The following TMTC1 variants were observed in gnomAD, a reference collection of about 807,000 sequenced individuals.
The protein encoded by TMTC1 is transmembrane O-mannosyltransferase targeting cadherins 1.
A neutral mutation model predicts 104.8 loss-of-function variants in TMTC1; 73 were observed. That is an observed-to-expected ratio of 0.70 (90% CI 0.58 to 0.85). TMTC1 has a LOEUF of 0.85. Ranked by LOEUF, TMTC1 falls within the 40% of genes least tolerant of loss-of-function variation. TMTC1 has a pLI of 0.00. For synonymous variants in TMTC1, 434 were observed against 428.7 expected, an observed-to-expected ratio of 1.01 and a Z score of -0.15; for missense variants, 1,035 against 1,096.1, an observed-to-expected ratio of 0.94 and a Z score of 0.79.
intron 5 of TMTC1, among the ~76,000 whole-genome samples, chr12:29,680,657 T>C (rs1170298608): frequency 6.6e-6 from 1 of 152,012 alleles, no homozygotes. Flanking sequence ...ATGAGAGTGG[T>C]GTAATTTGGG....
chr12:29,516,554 T>C, intron 14 of TMTC1, 68 bp from the exon 15 acceptor site: 3 of 1,518,002 alleles, frequency 2.0e-6, no homozygotes, highest in Non-Finnish European at 2.7e-6. Flanking sequence ...CATCCCTGAA[T>C]AGAAGCATTC....
intron 5 of TMTC1, among the ~76,000 whole-genome samples, chr12:29,716,692 T>C (rs989565822): frequency 1.4e-4 from 21 of 152,024 alleles, no homozygotes; most frequent in African/African-American, 2.4e-5. Context: ...ATAAAAACGT[T>C]AGTTCAAAAT....
At chr12:29,710,807 A>G (rs1941886664) in intron 5 of TMTC1, among the ~76,000 whole-genome samples, 1 of 53,268 alleles carries the variant, frequency 1.9e-5, no homozygotes, top group East Asian at 6.1e-4. Context: ...TAATGTATTT[A>G]TATATAATAT....
At chr12:29,734,316 G>A (rs1000493377) in intron 5 of TMTC1, among the ~76,000 whole-genome samples, 4 of 152,126 alleles carry the variant, frequency 2.6e-5, no homozygotes, top group Admixed American at 1.3e-4. Flanking sequence ...AAGGTCACAC[G>A]CATTTACTAA....
At chr12:29,765,048 G>A (rs945638482) in intron 2 of TMTC1, among the ~76,000 whole-genome samples, 1 of 152,064 alleles carries the variant, frequency 6.6e-6, no homozygotes, top group Non-Finnish European at 1.5e-5. Flanking sequence ...AGAATTATTT[G>A]TCAGAAATAA....
chr12:29,557,987 T>G (rs1221656622), intron 9 of TMTC1, among the ~76,000 whole-genome samples: 1 of 152,050 alleles, frequency 6.6e-6, no homozygotes, highest in Non-Finnish European at 1.5e-5. Context: ...AAAGGTACGA[T>G]GAAGTCAAAA....
intron 5 of TMTC1, among the ~76,000 whole-genome samples, chr12:29,698,449 T>C (rs550398772): frequency 5.3e-4 from 80 of 152,296 alleles, no homozygotes; most frequent in African/African-American, 1.9e-3. Context: ...CAGGAGGAAA[T>C]GCTTGGCTTT....
Position 29,650,752 on chromosome 12 carries a change from C to A in TMTC1, c.939-17416G>T, listed in dbSNP as rs113930015. ...ACAGGTGGGACGTAGACCTACTAAC[C>A]GATGTTGTAGGTAAATGGAATGGAT... is the stretch of plus-strand genomic sequence containing the variant. On this transcript the variant is annotated intron_variant, in intron 5 of 17. Transcript: ENST00000539277. 6.7e-3 allele frequency among the ~76,000 whole-genome samples: 1,012 copies of A among 152,176 alleles called. 13 individuals carry two copies. Among genetic ancestry groups the A allele is most frequent in the African/African-American group, 0.024 (978 of 41,504 alleles).
At chr12:29,521,027 T>C (rs1944138142) in intron 11 of TMTC1, 1 of 198,870 alleles carries the variant, frequency 5.0e-6, no homozygotes, top group Non-Finnish European at 1.0e-5. Flanking sequence ...GAAAAAGGAC[T>C]GAAAATAGTT....
Position 29,650,011 on chromosome 12 carries a change from A to C in TMTC1, c.939-16675T>G, listed in dbSNP as rs867393627. Among the ~76,000 whole-genome samples the C allele has an allele frequency of 2.6e-5, 4 of 152,322 alleles. No homozygotes were observed. The South Asian group carries it at 6.2e-4, about 24-fold the overall frequency. ...AGGTAGTTGTTATCCATAGGGCTAT[A>C]AACAAAACTATTCAGTACCTCAATC... On this transcript the variant is annotated intron_variant, in intron 5 of 17. Coordinates refer to ENST00000539277, the MANE Select transcript of TMTC1 (RefSeq NM_001193451.2).
intron 5 of TMTC1, among the ~76,000 whole-genome samples, chr12:29,682,444 G>C (rs113898228): frequency 6.6e-6 from 1 of 152,008 alleles, no homozygotes; most frequent in Non-Finnish European, 1.5e-5. Context: ...GCTCATGGCA[G>C]CTTTAGTTGT....
At chr12:29,656,050 A>G (rs1467145170) in intron 5 of TMTC1, among the ~76,000 whole-genome samples, 1 of 152,148 alleles carries the variant, frequency 6.6e-6, no homozygotes, top group Non-Finnish European at 1.5e-5. Context: ...TACTCACAAC[A>G]GACTGCAGAG....
At chr12:29,550,684 G>A (rs1945072054) in intron 10 of TMTC1, among the ~76,000 whole-genome samples, 1 of 152,066 alleles carries the variant, frequency 6.6e-6, no homozygotes, top group African/African-American at 2.4e-5. Flanking sequence ...ATAAATGGGG[G>A]GCCCTGAAGG....
intron 7 of TMTC1, among the ~76,000 whole-genome samples, chr12:29,588,887 T>C (rs1438539324): frequency 2.0e-5 from 3 of 150,316 alleles, no homozygotes; most frequent in African/African-American, 7.6e-5. Flanking sequence ...AATTAAGTCT[T>C]GTGATAGTGT....
intron 7 of TMTC1, among the ~76,000 whole-genome samples, chr12:29,590,651 G>A (rs930360771): frequency 6.6e-6 from 1 of 152,146 alleles, no homozygotes; most frequent in Admixed American, 6.5e-5. Flanking sequence ...TGGGCGTGGT[G>A]GTGCACGCCT....
intron 5 of TMTC1, among the ~76,000 whole-genome samples, chr12:29,677,021 T>G (rs761717646): frequency 5.3e-5 from 8 of 152,236 alleles, no homozygotes; most frequent in Non-Finnish European, 8.8e-5. Flanking sequence ...CTGGTCCTTC[T>G]GTGGAAATGA....
chr12:29,661,014 G>A (rs1804814112), intron 5 of TMTC1: 3 of 402,744 alleles, frequency 7.4e-6, no homozygotes, highest in African/African-American at 2.1e-5. Context: ...GGCCTCTGGA[G>A]CCAGAACACC....
intron 1 of TMTC1, among the ~76,000 whole-genome samples, chr12:29,782,356 A>T (rs1361368168): frequency 6.6e-6 from 1 of 152,218 alleles, no homozygotes; most frequent in African/African-American, 2.4e-5. Flanking sequence ...GTCATCAGAG[A>T]CACCTGTCAA....
chr12:29,564,326 T>C (rs1382539850), intron 9 of TMTC1, among the ~76,000 whole-genome samples: 2 of 152,080 alleles, frequency 1.3e-5, no homozygotes, highest in South Asian at 2.1e-4. Context: ...AACAAGCCTT[T>C]GGGACTGAAG....
Sources: allele counts gnomAD v4.1 joint callset (sites outside exome capture counted in the v4.1 genomes callset), GRCh38; gene constraint gnomAD v4.1.1; transcripts MANE v1.5; gene names NCBI Gene and HGNC (gene_info 2026-07-23, HGNC 2026-07-21).